The following NTM variants were observed in gnomAD, a reference collection of about 807,000 sequenced individuals.
NTM encodes the protein IgLON family member 2.
NTM carries 13 observed loss-of-function variants against 42.1 expected under a neutral mutation model. That is an observed-to-expected ratio of 0.31 (90% CI 0.20 to 0.49). NTM has a LOEUF of 0.49. Ranked by LOEUF, NTM falls within the 20% of genes least tolerant of loss-of-function variation. NTM has a pLI of 0.99. For synonymous variants in NTM, 187 were observed against 179.2 expected (o/e 1.04, Z -0.35); for missense variants, 373 against 452.8 (o/e 0.82, Z 1.60).
At chr11:131,407,404 T>A (rs1206087158) in intron 1 of NTM, among the ~76,000 whole-genome samples, 6 of 152,202 alleles carry the variant, frequency 3.9e-5, no homozygotes, top group African/African-American at 9.6e-5. Context: ...AAACAGCACT[T>A]CGTGGAATTG....
chr11:132,065,376 A>G (rs1311358108), intron 2 of NTM, among the ~76,000 whole-genome samples: 1 of 152,200 alleles, frequency 6.6e-6, no homozygotes, highest in Non-Finnish European at 1.5e-5. Context: ...AAAAAGGCAC[A>G]GCGTGTAGAA....
intron 4 of NTM, among the ~76,000 whole-genome samples, chr11:132,240,538 A>T (rs2090014041): frequency 6.6e-6 from 1 of 152,230 alleles, no homozygotes. Context: ...TACATATTCC[A>T]ATGAGGGATT....
chr11:132,314,446 C>T, intron 6 of NTM, 106 bp from the exon 7 acceptor site: 4 of 1,271,282 alleles, frequency 3.1e-6, no homozygotes, highest in South Asian at 1.6e-5. Context: ...ATAATGATGT[C>T]AGAAAGGGGG....
chr11:131,556,879 T>C (rs2055506798), intron 1 of NTM, among the ~76,000 whole-genome samples: 1 of 152,196 alleles, frequency 6.6e-6, no homozygotes, highest in Non-Finnish European at 1.5e-5. Context: ...GGAATTTTTA[T>C]AATTAAGAGA....
intron 1 of NTM, among the ~76,000 whole-genome samples, chr11:131,465,841 G>A (rs187092105): frequency 7.1e-6 from 1 of 140,214 alleles, no homozygotes; most frequent in East Asian, 1.9e-4. Flanking sequence ...AAGGTCTGTG[G>A]TTGTCCCTTG....
intron 1 of NTM, among the ~76,000 whole-genome samples, chr11:131,481,909 C>T (rs1329350279): frequency 6.6e-6 from 1 of 152,196 alleles, no homozygotes; most frequent in African/African-American, 2.4e-5. Flanking sequence ...CCCACTAGTC[C>T]TCCTACTCAT....
At chr11:131,849,844 A>T (rs951137799) in intron 1 of NTM, among the ~76,000 whole-genome samples, 3 of 147,194 alleles carry the variant, frequency 2.0e-5, no homozygotes, top group African/African-American at 7.5e-5. Context: ...GGGGGGAGGG[A>T]TAGCATTAGG....
chr11:131,799,800 A>G (rs2091948817), intron 1 of NTM, among the ~76,000 whole-genome samples: 1 of 152,218 alleles, frequency 6.6e-6, no homozygotes. Context: ...GCCCTCAGCT[A>G]GAATCCTAGT....
At chr11:132,249,406 C>T (rs774902754) in intron 4 of NTM, among the ~76,000 whole-genome samples, 10 of 152,158 alleles carry the variant, frequency 6.6e-5, no homozygotes, top group Non-Finnish European at 1.2e-4. Flanking sequence ...AGGCAGGGAC[C>T]GCCTATCCCC....
At position 132,000,959 on chromosome 11, in the gene NTM, G is replaced by A. The variant is rs78228780; in HGVS notation, c.167+89311G>A. Among the ~76,000 whole-genome samples, 172 of 152,300 alleles carry A rather than the reference G, an allele frequency of 1.1e-3. 2 individuals carry two copies. The highest frequency in any genetic ancestry group is 4.0e-3 in the African/African-American group (166 of 41,576). ...AAAGGGCATTCCAGGTAGATAAAGC[G>A]AAGTAGGAAATTCCCAGAAACATAG... is the stretch of plus-strand genomic sequence containing the variant. On this transcript the variant is annotated intron_variant, in intron 2 of 8. Transcript: ENST00000683400.
intron 4 of NTM, among the ~76,000 whole-genome samples, chr11:132,296,442 A>C (rs1335000902): frequency 1.3e-5 from 2 of 152,200 alleles, no homozygotes; most frequent in Non-Finnish European, 2.9e-5. Flanking sequence ...CGTGTTAATC[A>C]TTCTTCCATA....
intron 1 of NTM, chr11:131,769,640 G>A (rs113298270): frequency 0.025 from 24,067 of 948,060 alleles, 350 homozygotes; most frequent in Non-Finnish European, 0.028. Context: ...GGAGCAGATA[G>A]CATGAGCTCG....
chr11:131,966,413 A>T (rs915701897), intron 2 of NTM, among the ~76,000 whole-genome samples: 1 of 152,218 alleles, frequency 6.6e-6, no homozygotes, highest in East Asian at 1.9e-4. Context: ...AGTCTACAGT[A>T]TGCAAAAGGT....
intron 2 of NTM, among the ~76,000 whole-genome samples, chr11:132,014,668 TC>T (rs773708896): frequency 1.5e-4 from 23 of 151,840 alleles, no homozygotes; most frequent in Non-Finnish European, 3.1e-4. Context: ...TACCTGTTAA[TC>T]ATTTGGATGT....
At chr11:131,372,541 A>G (rs1027433583) in intron 1 of NTM, among the ~76,000 whole-genome samples, 4 of 152,040 alleles carry the variant, frequency 2.6e-5, no homozygotes, top group Non-Finnish European at 5.9e-5. Context: ...GCAGTTTCGG[A>G]AAAGCAGTTT....
intron 1 of NTM, among the ~76,000 whole-genome samples, chr11:131,387,874 C>T (rs201763835): frequency 1.2e-4 from 1 of 8,666 alleles, no homozygotes; most frequent in Non-Finnish European, 7.3e-4. Context: ...AATTAGCCTT[C>T]CTGGGGACCC....
chr11:131,524,574 C>T (rs895654346), intron 1 of NTM, among the ~76,000 whole-genome samples: 1 of 152,222 alleles, frequency 6.6e-6, no homozygotes, highest in Non-Finnish European at 1.5e-5. Flanking sequence ...AGTGACTAGC[C>T]ATAGCCGCTG....
rs745941517 is a variant in NTM at position 131,564,461 on chromosome 11, G to GGAGA, written c.82+193583_82+193586dup. 3.4e-3 allele frequency among the ~76,000 whole-genome samples: 514 copies of GGAGA among 151,434 alleles called. 9 individuals are homozygous for GGAGA. In the East Asian group the frequency reaches 0.039, roughly 11 times the overall value. On this transcript the variant is annotated intron_variant, in intron 1 of 8. Coordinates refer to ENST00000683400, the MANE Select transcript of NTM (RefSeq NM_001352005.2). Reference sequence around the variant, plus strand: ...TGGGTAGGGGGAGAGAGAGAGGGAGGGAGAGAGAGAGAGCAGGCTCTTTAG... The same window carrying GGAGA: ...TGGGTAGGGGGAGAGAGAGAGGGAGGGAGAGAGAGAGAGAGAGCAGGCTCTTTAG...
rs557522093 is a variant in NTM at position 131,763,709 on chromosome 11, C to CTTTTTTTTTTTTTTTTTTTTTTTTTTTTT, written c.83-147829_83-147828insTTTTTTTTTTTTTTTTTTTTTTTTTTTTT. On this transcript the variant is annotated intron_variant, in intron 1 of 8. Transcript: ENST00000683400. ...CTTATCCACAGGCCCATCTCTCTCT[C>CTTTTTTTTTTTTTTTTTTTTTTTTTTTTT]TTTTTTTTTTTTTTTTTTTTTTTTT... is the stretch of plus-strand genomic sequence containing the variant. 4.5e-4 allele frequency among the ~76,000 whole-genome samples: 32 copies of CTTTTTTTTTTTTTTTTTTTTTTTTTTTTT among 71,380 alleles called. 9 individuals carry two copies. The highest frequency in any genetic ancestry group is 2.9e-3 in the East Asian group (6 of 2,084). The allele number at this position is 71,380 out of a possible 152,430, so 46.8% of individuals were successfully genotyped here. A position where few individuals can be genotyped will look rare whatever the true frequency, so the allele number is the denominator to read the frequency against.
Sources: allele counts gnomAD v4.1 joint callset (sites outside exome capture counted in the v4.1 genomes callset), GRCh38; gene constraint gnomAD v4.1.1; transcripts MANE v1.5; gene names NCBI Gene and HGNC (gene_info 2026-07-23, HGNC 2026-07-21).